PPHLN1: variants seen among roughly 807,000 people sequenced by gnomAD.
PPHLN1 encodes periphilin-1.
A neutral mutation model predicts 51.3 loss-of-function variants in PPHLN1; 29 were observed. The ratio of observed to expected loss-of-function variants is 0.57; its 90% CI spans 0.42 to 0.77. The LOEUF is 0.77. Among genes scored for constraint, PPHLN1 ranks in the 30% least tolerant of loss-of-function variants. PPHLN1 has a pLI of 0.00. For missense variants in PPHLN1, 436 were observed against 438.4 expected (o/e 0.99, Z 0.05); for synonymous variants, 147 against 147.8 (o/e 0.99, Z 0.04).
chr12:42,354,363 T>G (rs1461493333), intron 3 of PPHLN1, among the ~76,000 whole-genome samples: 1 of 152,038 alleles, frequency 6.6e-6, no homozygotes. Context: ...GGACTATAGG[T>G]GCACGCCACC....
At chr12:42,345,145 AT>A (rs1340848508) in intron 2 of PPHLN1, among the ~76,000 whole-genome samples, 1 of 152,170 alleles carries the variant, frequency 6.6e-6, no homozygotes, top group Non-Finnish European at 1.5e-5. Flanking sequence ...GAAGTAGCTG[AT>A]TATTTTCTAA....
At chr12:42,416,162 AAAATCTCGCCTCCTGTAC>A (rs1333868848) in intron 9 of PPHLN1, among the ~76,000 whole-genome samples, 11 of 152,188 alleles carry the variant, frequency 7.2e-5, no homozygotes, top group Admixed American at 2.0e-4. Context: ...GTGTATTTTT[AAAATCTCGCCTCCTGTAC>A]AAATCTCGCC....
downstream of PPHLN1, chr12:42,444,152 A>G (rs1176593055): frequency 6.6e-6 from 1 of 152,164 alleles, no homozygotes; most frequent in Admixed American, 6.5e-5. Context: ...CTGAAAAAGT[A>G]CAGATGTCCT....
rs765747418 is a variant in PPHLN1 at position 42,398,059 on chromosome 12, C to G, written c.769-795C>G. On this transcript the variant is annotated intron_variant, in intron 8 of 9. Transcript: ENST00000358314. ...GTATTTACAATGTGGCTCTTCTTTGCTACTTCTTCTAAGTTGTTACTATTG... is the reference window on the plus strand; with the variant it reads ...GTATTTACAATGTGGCTCTTCTTTGGTACTTCTTCTAAGTTGTTACTATTG... Among the ~76,000 whole-genome samples, 12 of 151,602 alleles carry G rather than the reference C, an allele frequency of 7.9e-5. No homozygotes were observed. The East Asian group carries it at 2.1e-3, about 27-fold the overall frequency.
At chr12:42,412,415 ATAT>A (rs1417695784) in intron 9 of PPHLN1, among the ~76,000 whole-genome samples, 5 of 146,820 alleles carry the variant, frequency 3.4e-5, no homozygotes, top group African/African-American at 1.3e-4. Flanking sequence ...GCTCCAAAAG[ATAT>A]TATTTCATTT....
intron 9 of PPHLN1, among the ~76,000 whole-genome samples, chr12:42,413,204 A>C (rs1308570946): frequency 6.6e-6 from 1 of 152,146 alleles, no homozygotes; most frequent in Non-Finnish European, 1.5e-5. Flanking sequence ...TGTCCAGAAG[A>C]GTTTTTCCCA....
At chr12:42,417,411 A>G (rs1447221410) in intron 9 of PPHLN1, among the ~76,000 whole-genome samples, 1 of 151,996 alleles carries the variant, frequency 6.6e-6, no homozygotes, top group Non-Finnish European at 1.5e-5. Context: ...GTAGGGGGAA[A>G]TGGGATAGGG....
intron 2 of PPHLN1, among the ~76,000 whole-genome samples, chr12:42,349,888 G>A (rs1484540212): frequency 2.6e-5 from 4 of 152,130 alleles, no homozygotes; most frequent in Admixed American, 6.5e-5. Flanking sequence ...AACCGCCATC[G>A]TCATCATGGC....
chr12:42,358,831 A>C (rs1383276094), intron 4 of PPHLN1, among the ~76,000 whole-genome samples: 1 of 152,212 alleles, frequency 6.6e-6, no homozygotes, highest in Non-Finnish European at 1.5e-5. Flanking sequence ...TATTTTCATG[A>C]AATAGTACTT....
At chr12:42,448,266 C>T (rs993580844), downstream of PPHLN1, 1 of 152,622 alleles carries the variant, frequency 6.6e-6, no homozygotes, top group African/African-American at 2.4e-5. Context: ...TTCTTTTTCT[C>T]CCCTTCCCCA....
At chr12:42,399,124 T>A in intron 9 of PPHLN1, 130 bp downstream of exon 9, 1 of 1,433,068 alleles carries the variant, frequency 7.0e-7, no homozygotes, top group Non-Finnish European at 9.2e-7. Flanking sequence ...TAAAAAATTA[T>A]AAAAATTGTT....
chr12:42,384,652 G>A (rs1247153997), intron 5 of PPHLN1, among the ~76,000 whole-genome samples: 1 of 152,154 alleles, frequency 6.6e-6, no homozygotes, highest in African/African-American at 2.4e-5. Context: ...GTCTTTCTAT[G>A]AACCTTTTCT....
At chr12:42,426,172 C>CCCCACACACACACA (rs2081440907) in intron 9 of PPHLN1, among the ~76,000 whole-genome samples, 1 of 122,126 alleles carries the variant, frequency 8.2e-6, no homozygotes, top group East Asian at 2.5e-4. Context: ...AGACTTGACA[C>CCCCACACACACACA]CACACACACA....
intron 4 of PPHLN1, among the ~76,000 whole-genome samples, chr12:42,371,765 T>C (rs2075824223): frequency 6.6e-6 from 1 of 152,194 alleles, no homozygotes; most frequent in Non-Finnish European, 1.5e-5. Flanking sequence ...GAATGTAAAA[T>C]AGCTTACCAA....
intron 8 of PPHLN1, among the ~76,000 whole-genome samples, chr12:42,395,669 C>A (rs1161404216): frequency 6.6e-6 from 1 of 151,976 alleles, no homozygotes; most frequent in Admixed American, 6.6e-5. Context: ...TGATGCCAAG[C>A]AAGAGTTTGG....
chr12:42,394,493 T>C (rs1056074766), intron 8 of PPHLN1, among the ~76,000 whole-genome samples: 2 of 152,160 alleles, frequency 1.3e-5, no homozygotes, highest in South Asian at 2.1e-4. Context: ...TGATATTGTA[T>C]GTAAAAATAA....
intron 4 of PPHLN1, among the ~76,000 whole-genome samples, chr12:42,374,033 C>T (rs150155559): frequency 6.6e-6 from 1 of 152,060 alleles, no homozygotes; most frequent in Non-Finnish European, 1.5e-5. Flanking sequence ...CTCTCCTCCC[C>T]AGTTATGATA....
chr12:42,335,322 A>G (rs1194969329), intron 1 of PPHLN1, among the ~76,000 whole-genome samples: 1 of 152,182 alleles, frequency 6.6e-6, no homozygotes, highest in Non-Finnish European at 1.5e-5. Flanking sequence ...CGTTAAAAAA[A>G]TCAGGAGTGG....
At chr12:42,340,323 A>C (rs547421356) in intron 2 of PPHLN1, among the ~76,000 whole-genome samples, 1 of 151,388 alleles carries the variant, frequency 6.6e-6, no homozygotes, top group South Asian at 2.1e-4. Context: ...AAAAAAAAAA[A>C]AAAAAAGATT....
Sources: allele counts gnomAD v4.1 joint callset (sites outside exome capture counted in the v4.1 genomes callset), GRCh38; gene constraint gnomAD v4.1.1; transcripts MANE v1.5; gene names NCBI Gene and HGNC (gene_info 2026-07-23, HGNC 2026-07-21).